Variants in RABGEF1 observed in about 807,000 individuals in gnomAD.
The protein encoded by RABGEF1 is RAB guanine nucleotide exchange factor 1, also known as rab5 GDP/GTP exchange factor.
A neutral mutation model predicts 57.3 loss-of-function variants in RABGEF1; 26 were observed. The ratio of observed to expected loss-of-function variants is 0.45; its 90% CI spans 0.33 to 0.63. RABGEF1 has a LOEUF of 0.63. Among genes scored for constraint, RABGEF1 ranks in the 20% least tolerant of loss-of-function variants. The probability of loss-of-function intolerance (pLI) is 0.02; values close to 1 mark genes in which losing one functional copy is unlikely to be tolerated. For missense variants in RABGEF1, 464 were observed against 607.6 expected (o/e 0.76, Z 2.48); for synonymous variants, 185 against 210.7 (o/e 0.88, Z 1.06).
intron 1 of RABGEF1, among the ~76,000 whole-genome samples, chr7:66,684,031 C>T (rs919862508): frequency 7.2e-5 from 11 of 152,098 alleles, no homozygotes; most frequent in South Asian, 2.1e-4. Flanking sequence ...CATCGGCTCC[C>T]GAGCCTGGAG....
At chr7:66,699,885 G>A (rs967551150) in intron 1 of RABGEF1, among the ~76,000 whole-genome samples, 2 of 152,142 alleles carry the variant, frequency 1.3e-5, no homozygotes, top group African/African-American at 4.8e-5. Flanking sequence ...GGGAATGATA[G>A]CAAACCCAGG....
chr7:66,698,312 C>T (rs1259628774), intron 1 of RABGEF1, among the ~76,000 whole-genome samples: 1 of 152,222 alleles, frequency 6.6e-6, no homozygotes, highest in African/African-American at 2.4e-5. Flanking sequence ...GCTCTACCTC[C>T]TCCCTCTGAT....
chr7:66,679,899 G>C (rs778392119), upstream of RABGEF1, among the ~76,000 whole-genome samples: 3 of 152,158 alleles, frequency 2.0e-5, no homozygotes, highest in Non-Finnish European at 4.4e-5. Context: ...AAAACTAGCT[G>C]AGTGTGGTGG....
chr7:66,739,657 CAAAAAAAAAAAAAAA>C (rs10554809), upstream of RABGEF1, among the ~76,000 whole-genome samples: 1 of 80,400 alleles, frequency 1.2e-5, no homozygotes, highest in South Asian at 4.4e-4. Context: ...GTGAGAGTCT[CAAAAAAAAAAAAAAA>C]AAAAAAAAAA....
intron 1 of RABGEF1, among the ~76,000 whole-genome samples, chr7:66,704,767 T>G (rs1215216174): frequency 6.7e-6 from 1 of 150,048 alleles, no homozygotes; most frequent in Admixed American, 6.7e-5. Context: ...GCCGAGATTG[T>G]GCCACTGCAC....
the RABGEF1 span, among the ~76,000 whole-genome samples, chr7:66,673,800 G>T: frequency 1.3e-5 from 2 of 151,636 alleles, no homozygotes; most frequent in Admixed American, 1.3e-4. Flanking sequence ...GGACACTTGA[G>T]CCCAGGAGTT....
chr7:66,666,968 A>G, the RABGEF1 span, among the ~76,000 whole-genome samples: 2 of 152,208 alleles, frequency 1.3e-5, no homozygotes, highest in East Asian at 3.9e-4. Context: ...CCCCAGAGAC[A>G]CAGGCTGAAC....
chr7:66,659,472 GAAAAA>G, the RABGEF1 span, among the ~76,000 whole-genome samples: 1 of 139,554 alleles, frequency 7.2e-6, no homozygotes, highest in South Asian at 2.3e-4. Context: ...AAAGAAAAAA[GAAAAA>G]AAAGAAAACA....
In RABGEF1 at chr7:66,805,159, C is replaced by G. The variant is rs1562887161; in HGVS notation, c.840C>G (p.Ser280=). 6.2e-7 allele frequency: 1 copy of G among 1,607,226 alleles called. No individual in the cohort carries two copies. Among genetic ancestry groups the G allele is most frequent in the South Asian group, 1.1e-5 (1 of 90,922 alleles). The change falls in exon 8 of 9, where the codon TCC becomes TCG. Residue 280 remains serine, a synonymous_variant. Transcript: ENST00000284957. ...TTGTAGATATCATTGAAATGGATTC[C>G]AAGCGTGTGCCTCGAGACAAGCTGG... ...KAITDIIEMD[S]KRVPRDKLAC... is the part of the protein sequence containing the mutation.
At chr7:66,661,283 A>G in the RABGEF1 span, among the ~76,000 whole-genome samples, 9 of 131,230 alleles carry the variant, frequency 6.9e-5, no homozygotes, top group Non-Finnish European at 7.9e-5. Flanking sequence ...TGGGTGACAA[A>G]GTGAGACTCC....
chr7:66,711,598 T>C (rs1584859702), intron 1 of RABGEF1, among the ~76,000 whole-genome samples: 1 of 152,096 alleles, frequency 6.6e-6, no homozygotes, highest in Admixed American at 6.6e-5. Context: ...CTTTTCTTTT[T>C]TTTTTTGAGA....
At chr7:66,789,358 C>G (rs1812009694) in intron 4 of RABGEF1, among the ~76,000 whole-genome samples, 1 of 152,074 alleles carries the variant, frequency 6.6e-6, no homozygotes, top group Non-Finnish European at 1.5e-5. Context: ...CTCTCAGCAT[C>G]TATAAGTCAT....
At chr7:66,792,175 A>G (rs2129164346) in intron 4 of RABGEF1, among the ~76,000 whole-genome samples, 1 of 152,158 alleles carries the variant, frequency 6.6e-6, no homozygotes, top group South Asian at 2.1e-4. Flanking sequence ...TACTTGAGGT[A>G]AAGGATTTAC....
intron 1 of RABGEF1, among the ~76,000 whole-genome samples, chr7:66,759,824 G>T (rs1562800881): frequency 6.6e-6 from 1 of 152,182 alleles, no homozygotes; most frequent in African/African-American, 2.4e-5. Context: ...CAACATTGGG[G>T]ATTACAATTC....
At chr7:66,667,146 A>G in the RABGEF1 span, among the ~76,000 whole-genome samples, 1 of 152,148 alleles carries the variant, frequency 6.6e-6, no homozygotes, top group African/African-American at 2.4e-5. Context: ...GGGCCCAGAG[A>G]GGGTCCAAGG....
At chr7:66,663,182 C>T in the RABGEF1 span, among the ~76,000 whole-genome samples, 1,248 of 152,350 alleles carry the variant, frequency 8.2e-3, 8 homozygotes, top group Non-Finnish European at 0.013. Context: ...CCCTTCGTTT[C>T]CCATAAGGGA....
the RABGEF1 span, among the ~76,000 whole-genome samples, chr7:66,669,502 G>A: frequency 2.0e-5 from 3 of 152,272 alleles, no homozygotes; most frequent in South Asian, 2.1e-4. Context: ...GAAGGTGGTG[G>A]GGACCTCTGG....
rs539674570 is a variant in RABGEF1 at position 66,803,655 on chromosome 7, C to T, written c.821-1485C>T. On this transcript the variant is annotated intron_variant, in intron 7 of 8. Transcript: ENST00000284957. Reference sequence around the variant, plus strand: ...CCTGTAATCCCAGCATTTTGGGAGGCTGAGGTGGGCGGATCACGAGGTCAG... The same window carrying T: ...CCTGTAATCCCAGCATTTTGGGAGGTTGAGGTGGGCGGATCACGAGGTCAG... Among the ~76,000 whole-genome samples, 10 of 152,212 alleles carry T rather than the reference C, an allele frequency of 6.6e-5. No homozygotes were observed. In the South Asian group the frequency reaches 2.1e-3, roughly 32 times the overall value.
chr7:66,803,613 G>C (rs1267162081), intron 7 of RABGEF1, among the ~76,000 whole-genome samples: 1 of 152,152 alleles, frequency 6.6e-6, no homozygotes, highest in African/African-American at 2.4e-5. Context: ...TTTTTCTGCC[G>C]GGAGCAGTGA....
Sources: gnomAD v4.1 joint callset for allele counts (sites outside exome capture counted in the v4.1 genomes callset) on GRCh38, gnomAD v4.1.1 for gene constraint, MANE v1.5 for transcripts, NCBI Gene and HGNC (gene_info 2026-07-23, HGNC 2026-07-21) for gene names.